The following CENPP variants were observed in gnomAD, a reference collection of about 807,000 sequenced individuals.
CENPP encodes the protein centromere protein P.
A neutral mutation model predicts 35.6 loss-of-function variants in CENPP; 24 were observed. The ratio of observed to expected loss-of-function variants is 0.67; its 90% CI spans 0.49 to 0.95. CENPP has a LOEUF of 0.95. Ranked by LOEUF, CENPP falls within the 40% of genes least tolerant of loss-of-function variation. CENPP has a pLI of 0.00. For missense variants in CENPP, 332 were observed against 345.3 expected (o/e 0.96, Z 0.31); for synonymous variants, 120 against 125.5 (o/e 0.96, Z 0.29).
At chr9:92,458,256 T>C (rs966594729) in intron 5 of CENPP, among the ~76,000 whole-genome samples, 2 of 152,198 alleles carry the variant, frequency 1.3e-5, no homozygotes, top group Admixed American at 6.5e-5. Context: ...TCTTTGGCCT[T>C]TTTTGGTAAC....
chr9:92,451,237 G>A (rs1433273558), intron 5 of CENPP, among the ~76,000 whole-genome samples: 11 of 149,832 alleles, frequency 7.3e-5, no homozygotes, highest in African/African-American at 1.5e-4. Context: ...TAGGTCTAAC[G>A]TTTAAGTCTT....
intron 5 of CENPP, among the ~76,000 whole-genome samples, chr9:92,583,251 A>C (rs1850470893): frequency 6.6e-6 from 1 of 152,212 alleles, no homozygotes; most frequent in Non-Finnish European, 1.5e-5. Flanking sequence ...TATTCAGCAG[A>C]AGAATATTCA....
chr9:92,573,544 G>C (rs957812022), intron 5 of CENPP, among the ~76,000 whole-genome samples: 1 of 152,228 alleles, frequency 6.6e-6, no homozygotes, highest in Non-Finnish European at 1.5e-5. Flanking sequence ...CTACTCGGGG[G>C]TCAGGGACCC....
At chr9:92,329,215 G>A (rs1458031065) in intron 1 of CENPP, among the ~76,000 whole-genome samples, 8 of 128,860 alleles carry the variant, frequency 6.2e-5, no homozygotes, top group South Asian at 2.3e-4. Flanking sequence ...ACGGAGTTTC[G>A]CTCTTGTCGC....
At chr9:92,564,106 C>T (rs571702751) in intron 5 of CENPP, among the ~76,000 whole-genome samples, 5 of 151,894 alleles carry the variant, frequency 3.3e-5, no homozygotes, top group Non-Finnish European at 5.9e-5. Context: ...ACTGCATTTG[C>T]CTGGGCATAG....
chr9:92,451,173 T>C (rs1487757243), intron 5 of CENPP, among the ~76,000 whole-genome samples: 1 of 148,852 alleles, frequency 6.7e-6, no homozygotes, highest in African/African-American at 2.5e-5. Context: ...TCCTTGCCCA[T>C]GCCTATGTCC....
At chr9:92,579,907 T>C (rs2131365033) in intron 5 of CENPP, among the ~76,000 whole-genome samples, 1 of 149,362 alleles carries the variant, frequency 6.7e-6, no homozygotes, top group Admixed American at 6.6e-5. Flanking sequence ...CTTCCAGTTT[T>C]TGCCCATTCA....
intron 5 of CENPP, among the ~76,000 whole-genome samples, chr9:92,481,443 A>G (rs1845907486): frequency 6.6e-6 from 1 of 152,126 alleles, no homozygotes; most frequent in Non-Finnish European, 1.5e-5. Context: ...TTTATGACTC[A>G]GTCCCTACAC....
intron 5 of CENPP, among the ~76,000 whole-genome samples, chr9:92,472,257 T>C (rs113174148): frequency 1.3e-5 from 2 of 152,230 alleles, no homozygotes; most frequent in African/African-American, 4.8e-5. Flanking sequence ...CTCGGGAGGC[T>C]GAGTCAGGAG....
At chr9:92,365,899 C>T (rs574874122) in intron 4 of CENPP, among the ~76,000 whole-genome samples, 13 of 150,996 alleles carry the variant, frequency 8.6e-5, no homozygotes, top group Non-Finnish European at 1.3e-4. Flanking sequence ...TTCCAGGGTT[C>T]GCTGGGCATG....
intron 5 of CENPP, among the ~76,000 whole-genome samples, chr9:92,452,332 C>A (rs1364635785): frequency 6.6e-6 from 1 of 151,932 alleles, no homozygotes; most frequent in African/African-American, 2.4e-5. Context: ...TTGTCAAAGG[C>A]CTTTTCTGCA....
intron 5 of CENPP, among the ~76,000 whole-genome samples, chr9:92,554,640 T>C (rs1395301847): frequency 6.6e-6 from 1 of 152,090 alleles, no homozygotes; most frequent in Non-Finnish European, 1.5e-5. Context: ...CTTTTTTGTT[T>C]TGTTTTGTTT....
chr9:92,327,751 G>A (rs1039146053), intron 1 of CENPP, among the ~76,000 whole-genome samples: 3 of 152,190 alleles, frequency 2.0e-5, no homozygotes, highest in Non-Finnish European at 2.9e-5. Context: ...GCATCTGGTG[G>A]TGGATGAACT....
rs537148185 is a variant in CENPP at position 92,358,368 on chromosome 9, G to A, written c.467+12581G>A. Reference sequence around the variant, plus strand: ...AGCAATTCTCCTGCCTCAGCCTCCCGAGTAGCTGGGATTACAGGTGCCTGC... The same window carrying A: ...AGCAATTCTCCTGCCTCAGCCTCCCAAGTAGCTGGGATTACAGGTGCCTGC... On this transcript the variant is annotated intron_variant, in intron 4 of 7. Transcript: ENST00000375587. 8.6e-5 allele frequency among the ~76,000 whole-genome samples: 13 copies of A among 151,740 alleles called. No homozygotes were observed. The South Asian group carries it at 2.1e-3, about 24-fold the overall frequency.
chr9:92,587,176 T>TA (rs1390115867), intron 5 of CENPP, among the ~76,000 whole-genome samples: 4 of 151,852 alleles, frequency 2.6e-5, no homozygotes, highest in Admixed American at 1.3e-4. Context: ...ACAGAAATTA[T>TA]AAAAAGGGGG....
At chr9:92,576,799 G>A (rs72754470) in intron 5 of CENPP, among the ~76,000 whole-genome samples, 6,056 of 152,230 alleles carry the variant, frequency 0.04, 183 homozygotes, top group South Asian at 0.099. Flanking sequence ...CACCATGCCA[G>A]GCCAGAATAT....
chr9:92,435,494 ATAG>A (rs1368520882), intron 5 of CENPP, among the ~76,000 whole-genome samples: 1 of 152,204 alleles, frequency 6.6e-6, no homozygotes, highest in Non-Finnish European at 1.5e-5. Flanking sequence ...TGAGGTTGAG[ATAG>A]TAGAATTACA....
intron 5 of CENPP, among the ~76,000 whole-genome samples, chr9:92,430,839 A>C (rs1844089542): frequency 6.6e-6 from 1 of 152,180 alleles, no homozygotes; most frequent in Non-Finnish European, 1.5e-5. Flanking sequence ...CTCTGTCACC[A>C]GGCTGGAGTG....
chr9:92,417,499 G>A (rs779605119), intron 5 of CENPP: 1 of 1,612,944 alleles, frequency 6.2e-7, no homozygotes, highest in South Asian at 1.1e-5. Context: ...TTTCATATTG[G>A]CAATGTACTT....
Sources: allele counts gnomAD v4.1 joint callset (sites outside exome capture counted in the v4.1 genomes callset), GRCh38; gene constraint gnomAD v4.1.1; transcripts MANE v1.5; gene names NCBI Gene and HGNC (gene_info 2026-07-23, HGNC 2026-07-21).